Variants in GNG7 observed in about 807,000 individuals in gnomAD.
The protein encoded by GNG7 is guanine nucleotide-binding protein G(I)/G(S)/G(O) subunit gamma-7.
In GNG7, 1 loss-of-function variant was observed where a neutral mutation model predicts 4.0. That is an observed-to-expected ratio of 0.25 (90% CI 0.09 to 1.18). GNG7 has a LOEUF of 1.18. Ranked by LOEUF, GNG7 falls within the 50% of genes most tolerant of loss-of-function variation. The probability of loss-of-function intolerance (pLI) is 0.50; values close to 1 mark genes in which losing one functional copy is unlikely to be tolerated. For missense variants in GNG7, 86 were observed against 91.9 expected, an observed-to-expected ratio of 0.94 and a Z score of 0.26; for synonymous variants, 34 against 36.9, an observed-to-expected ratio of 0.92 and a Z score of 0.29.
At chr19:2,582,549 T>C (rs28897495) in intron 2 of GNG7, among the ~76,000 whole-genome samples, 56,495 of 151,716 alleles carry the variant, frequency 0.37, 12,211 homozygotes, top group African/African-American at 0.59. Context: ...GTGGTACAAT[T>C]GTGCCTCACT....
intron 2 of GNG7, among the ~76,000 whole-genome samples, chr19:2,607,535 G>GA (rs1388050142): frequency 8.7e-4 from 45 of 51,454 alleles, no homozygotes; most frequent in Non-Finnish European, 1.3e-3. Context: ...ATCTCAAAAA[G>GA]AAAAAAAAAA....
intron 2 of GNG7, among the ~76,000 whole-genome samples, chr19:2,599,790 A>G (rs1275278190): frequency 2.0e-5 from 3 of 152,126 alleles, no homozygotes. Flanking sequence ...TACAAAAATT[A>G]GCCGGGGGTG....
At chr19:2,637,028 TCACCTGCACC>T (rs1279174181) in intron 2 of GNG7, among the ~76,000 whole-genome samples, 2 of 150,656 alleles carry the variant, frequency 1.3e-5, no homozygotes, top group Non-Finnish European at 3.0e-5. Flanking sequence ...CCACTTGTCC[TCACCTGCACC>T]CACCTGCACA....
At chr19:2,543,427 A>G (rs1979026858) in intron 3 of GNG7, among the ~76,000 whole-genome samples, 1 of 151,510 alleles carries the variant, frequency 6.6e-6, no homozygotes, top group Non-Finnish European at 1.5e-5. Context: ...GCCTCACCGT[A>G]TTGCTCAGGC....
intron 3 of GNG7, among the ~76,000 whole-genome samples, chr19:2,522,341 G>T (rs973052044): frequency 2.6e-5 from 4 of 152,166 alleles, no homozygotes; most frequent in African/African-American, 9.7e-5. Context: ...TCCCAGCCGG[G>T]CGTCTGTGAG....
At chr19:2,602,856 G>A (rs73526871) in intron 2 of GNG7, among the ~76,000 whole-genome samples, 14,582 of 151,874 alleles carry the variant, frequency 0.096, 2,351 homozygotes, top group African/African-American at 0.33. Flanking sequence ...AAGGAAAGAT[G>A]CGCTACCCAC....
At chr19:2,668,371 C>G (rs1476656444) in intron 1 of GNG7, among the ~76,000 whole-genome samples, 5 of 151,890 alleles carry the variant, frequency 3.3e-5, no homozygotes, top group Admixed American at 2.6e-4. Context: ...AAAAGAAAGA[C>G]GCTAAAAACG....
intron 3 of GNG7, among the ~76,000 whole-genome samples, chr19:2,539,308 C>CTT (rs869058899): frequency 9.3e-5 from 11 of 118,026 alleles, no homozygotes; most frequent in African/African-American, 2.8e-4. Flanking sequence ...TATATACCAA[C>CTT]TTTTTTTTTT....
At chr19:2,552,377 T>C (rs1219554829) in intron 3 of GNG7, among the ~76,000 whole-genome samples, 1 of 151,998 alleles carries the variant, frequency 6.6e-6, no homozygotes, top group Non-Finnish European at 1.5e-5. Flanking sequence ...TGGGACCATC[T>C]AGTTTTTATT....
chr19:2,556,919 C>T (rs1454913980), intron 2 of GNG7, among the ~76,000 whole-genome samples: 5 of 152,162 alleles, frequency 3.3e-5, no homozygotes, highest in Non-Finnish European at 7.4e-5. Context: ...GACACTGCCC[C>T]GGGTCCCCTG....
intron 1 of GNG7, among the ~76,000 whole-genome samples, chr19:2,682,580 T>C (rs1057025871): frequency 4.1e-5 from 6 of 147,542 alleles, no homozygotes; most frequent in Non-Finnish European, 7.4e-5. Context: ...GGAGAATCAC[T>C]TGAACCCGGG....
chr19:2,681,160 A>AT (rs77628012), intron 1 of GNG7, among the ~76,000 whole-genome samples: 25,814 of 150,488 alleles, frequency 0.17, 3,151 homozygotes, highest in East Asian at 0.56. Context: ...TTTTATTTTT[A>AT]TTTTTTTTGT....
chr19:2,624,578 G>A (rs886262728), intron 2 of GNG7, among the ~76,000 whole-genome samples: 1 of 151,362 alleles, frequency 6.6e-6, no homozygotes, highest in Non-Finnish European at 1.5e-5. Context: ...AAGAAAGAAA[G>A]GTGCTCCAGT....
At chr19:2,691,994 G>C (rs1238563104) in intron 1 of GNG7, among the ~76,000 whole-genome samples, 2 of 152,194 alleles carry the variant, frequency 1.3e-5, no homozygotes, top group South Asian at 2.1e-4. Context: ...CCCAGGGGGT[G>C]GGGGAGGCAG....
At position 2,616,347 on chromosome 19, in the gene GNG7, C is replaced by T. The variant is rs1329335471; in HGVS notation, c.-78+29877G>A. Among the ~76,000 whole-genome samples the T allele has an allele frequency of 2.0e-5, 3 of 152,108 alleles. No homozygotes were observed. In the South Asian group the frequency reaches 6.2e-4, roughly 32 times the overall value. On this transcript the variant is annotated intron_variant, in intron 2 of 4. Transcript: ENST00000382159. ...GCAACCTCTGCCTCCCGTGTTCCAG[C>T]GATTCTCCTGCCTCAGCCTCCCGAG...
chr19:2,636,317 C>T (rs987406516), intron 2 of GNG7, among the ~76,000 whole-genome samples: 6 of 152,176 alleles, frequency 3.9e-5, no homozygotes, highest in African/African-American at 1.4e-4. Context: ...TCCAGGCCCT[C>T]TGCCCGCCAG....
Position 2,655,316 on chromosome 19 carries a change from G to A in GNG7, c.-134-9036C>T, listed in dbSNP as rs576796238. ...ACACGCAGGCAGCCAACAGGATTAT[G>A]AAAAAACGCTGAAGATCATTAATCA... is the stretch of plus-strand genomic sequence containing the variant. On this transcript the variant is annotated intron_variant, in intron 1 of 4. Coordinates refer to ENST00000382159, the MANE Select transcript of GNG7 (RefSeq NM_052847.3). 4.6e-4 allele frequency among the ~76,000 whole-genome samples: 70 copies of A among 152,126 alleles called. 1 individual carries two copies. The highest frequency in any genetic ancestry group is 1.7e-3 in the African/African-American group (69 of 41,502).
intron 1 of GNG7, among the ~76,000 whole-genome samples, chr19:2,662,375 G>A (rs950059363): frequency 6.6e-6 from 1 of 151,854 alleles, no homozygotes; most frequent in Non-Finnish European, 1.5e-5. Flanking sequence ...TTCAATTCAG[G>A]TGCTATCTAC....
intron 1 of GNG7, among the ~76,000 whole-genome samples, chr19:2,686,049 C>T (rs1443587946): frequency 6.6e-6 from 1 of 152,154 alleles, no homozygotes; most frequent in South Asian, 2.1e-4. Context: ...CCAGACACTT[C>T]ATCAGAGCGA....
Sources: gnomAD v4.1 joint callset for allele counts (sites outside exome capture counted in the v4.1 genomes callset) on GRCh38, gnomAD v4.1.1 for gene constraint, MANE v1.5 for transcripts, NCBI Gene and HGNC (gene_info 2026-07-23, HGNC 2026-07-21) for gene names.